NTM: variants seen among roughly 807,000 people sequenced by gnomAD.
The protein encoded by NTM is IgLON family member 2.
A neutral mutation model predicts 42.1 loss-of-function variants in NTM; 13 were observed. The observed-to-expected ratio is 0.31, with a 90% CI of 0.20 to 0.49. NTM has a LOEUF of 0.49. Among genes scored for constraint, NTM ranks in the 20% least tolerant of loss-of-function variants. NTM has a pLI of 0.99. For synonymous variants in NTM, 187 were observed against 179.2 expected (o/e 1.04, Z -0.35); for missense variants, 373 against 452.8 (o/e 0.82, Z 1.60).
intron 4 of NTM, among the ~76,000 whole-genome samples, chr11:132,247,338 G>A (rs1286197481): frequency 6.6e-6 from 1 of 152,180 alleles, no homozygotes; most frequent in Non-Finnish European, 1.5e-5. Context: ...TTGCTATGAG[G>A]CTCCTGATGA....
At chr11:131,375,341 A>G (rs1436920588) in intron 1 of NTM, among the ~76,000 whole-genome samples, 3 of 152,180 alleles carry the variant, frequency 2.0e-5, no homozygotes, top group Non-Finnish European at 4.4e-5. Flanking sequence ...TTTCTGCTCT[A>G]TTGTCTTGTT....
At chr11:132,202,693 G>T (rs746645534) in intron 3 of NTM, among the ~76,000 whole-genome samples, 1 of 152,198 alleles carries the variant, frequency 6.6e-6, no homozygotes, top group Non-Finnish European at 1.5e-5. Flanking sequence ...AATAAGGAAA[G>T]AATGGTATGG....
At chr11:131,806,462 G>A (rs2092487200) in intron 1 of NTM, among the ~76,000 whole-genome samples, 1 of 152,110 alleles carries the variant, frequency 6.6e-6, no homozygotes, top group Non-Finnish European at 1.5e-5. Flanking sequence ...AAGCCTAGTA[G>A]AGTGTCTGGA....
chr11:131,622,114 T>TG (rs944774646), intron 1 of NTM, among the ~76,000 whole-genome samples: 2 of 151,764 alleles, frequency 1.3e-5, no homozygotes, highest in African/African-American at 2.4e-5. Flanking sequence ...AGTGGGAGGA[T>TG]GGGGGGGACC....
At chr11:131,994,151 A>C (rs909376709) in intron 2 of NTM, among the ~76,000 whole-genome samples, 1 of 152,244 alleles carries the variant, frequency 6.6e-6, no homozygotes, top group African/African-American at 2.4e-5. Context: ...TGTTGCAAAC[A>C]TGCTCATTGG....
rs74612932 is a variant in NTM at position 131,598,747 on chromosome 11, C to G, written c.82+227859C>G. On this transcript the variant is annotated intron_variant, in intron 1 of 8. Transcript: ENST00000683400. ...TCTTTCTTTCTTTCTTTCTTTCTTT[C>G]TTTCTTTCTTCTTTCTTTTTTTCTT... Among the ~76,000 whole-genome samples, 432 of 73,404 alleles carry G rather than the reference C, an allele frequency of 5.9e-3. 35 individuals carry two copies. The highest frequency in any genetic ancestry group is 0.019 in the African/African-American group (396 of 21,258). The allele number at this position is 73,404 out of a possible 152,430, so 48.2% of individuals were successfully genotyped here.
intron 2 of NTM, among the ~76,000 whole-genome samples, chr11:132,014,724 A>G (rs569189021): frequency 1.4e-5 from 2 of 141,852 alleles, no homozygotes; most frequent in Admixed American, 1.4e-4. Flanking sequence ...CCGCTTTTTA[A>G]GAGAATTACT....
intron 1 of NTM, among the ~76,000 whole-genome samples, chr11:131,551,614 C>T (rs987731735): frequency 1.4e-4 from 21 of 152,256 alleles, no homozygotes; most frequent in Admixed American, 6.5e-4. Context: ...CTCTTTATAC[C>T]TCTGTGAACA....
chr11:131,850,133 G>C (rs912679536), intron 1 of NTM, among the ~76,000 whole-genome samples: 1 of 151,738 alleles, frequency 6.6e-6, no homozygotes, highest in Admixed American at 6.6e-5. Context: ...CACTTAATTA[G>C]TGTAAATACA....
At chr11:131,876,243 G>A (rs1169255088) in intron 1 of NTM, among the ~76,000 whole-genome samples, 1 of 152,210 alleles carries the variant, frequency 6.6e-6, no homozygotes. Context: ...GGGTGCCTGT[G>A]TACACACACT....
intron 3 of NTM, among the ~76,000 whole-genome samples, chr11:132,151,670 T>C (rs1332903256): frequency 2.6e-5 from 4 of 152,184 alleles, no homozygotes; most frequent in Non-Finnish European, 5.9e-5. Context: ...CTGGGCAGAA[T>C]TAATCTGAAA....
intron 1 of NTM, among the ~76,000 whole-genome samples, chr11:131,446,628 C>T (rs1282528186): frequency 1.3e-5 from 2 of 152,204 alleles, no homozygotes; most frequent in African/African-American, 4.8e-5. Flanking sequence ...TCAACTGAAA[C>T]AAGAGCTCAT....
At chr11:131,987,763 A>C (rs1362509426) in intron 2 of NTM, among the ~76,000 whole-genome samples, 2 of 152,240 alleles carry the variant, frequency 1.3e-5, no homozygotes, top group Non-Finnish European at 2.9e-5. Flanking sequence ...GCTGAAAAAA[A>C]GTCCAAACAC....
chr11:132,303,418 C>A (rs1387940605), intron 4 of NTM, among the ~76,000 whole-genome samples: 1 of 152,250 alleles, frequency 6.6e-6, no homozygotes, highest in Non-Finnish European at 1.5e-5. Context: ...CATCTTCACC[C>A]TGTGTGTCTT....
chr11:131,574,099 T>C (rs1167835797), intron 1 of NTM, among the ~76,000 whole-genome samples: 1 of 152,114 alleles, frequency 6.6e-6, no homozygotes, highest in African/African-American at 2.4e-5. Context: ...AGACGCCCAG[T>C]GTGGTGTCTG....
chr11:131,548,295 C>T (rs1195073749), intron 1 of NTM, among the ~76,000 whole-genome samples: 2 of 152,018 alleles, frequency 1.3e-5, no homozygotes, highest in South Asian at 2.1e-4. Flanking sequence ...TGCATTTTTC[C>T]AAGTCGATCT....
chr11:132,300,942 A>T (rs1371720653), intron 4 of NTM, among the ~76,000 whole-genome samples: 1 of 152,044 alleles, frequency 6.6e-6, no homozygotes, highest in African/African-American at 2.4e-5. Flanking sequence ...CCAGGACTGC[A>T]CTGATTCCTC....
At chr11:131,504,164 GT>G in intron 1 of NTM, among the ~76,000 whole-genome samples, 1 of 152,080 alleles carries the variant, frequency 6.6e-6, no homozygotes, top group African/African-American at 2.4e-5. Context: ...CCCCCTGCCA[GT>G]CCCCTTTGAG....
intron 1 of NTM, among the ~76,000 whole-genome samples, chr11:131,625,908 T>C (rs1362396262): frequency 6.6e-6 from 1 of 152,212 alleles, no homozygotes; most frequent in Non-Finnish European, 1.5e-5. Context: ...GTCACTCTCA[T>C]TGCTGTGTAG....
Sources: allele counts gnomAD v4.1 joint callset (sites outside exome capture counted in the v4.1 genomes callset), GRCh38; gene constraint gnomAD v4.1.1; transcripts MANE v1.5; gene names NCBI Gene and HGNC (gene_info 2026-07-23, HGNC 2026-07-21).